UNC5D: variants seen among roughly 807,000 people sequenced by gnomAD.
UNC5D encodes unc-5 netrin receptor D.
A neutral mutation model predicts 105.4 loss-of-function variants in UNC5D; 39 were observed. The observed-to-expected ratio is 0.37, with a 90% CI of 0.29 to 0.48. The LOEUF is 0.48. Ranked by LOEUF, UNC5D falls within the 20% of genes least tolerant of loss-of-function variation. The pLI is 0.98. For missense variants in UNC5D, 991 were observed against 1,202.4 expected, an observed-to-expected ratio of 0.82 and a Z score of 2.60; for synonymous variants, 452 against 450.4, an observed-to-expected ratio of 1.00 and a Z score of -0.04.
In UNC5D at chr8:35,677,906, GTA is replaced by G. The variant is rs1305643187; in HGVS notation, c.571-5639_571-5638del. Reference sequence around the variant, plus strand: ...TGTGAGTGTCTGTGTGTGTGTGTGTGTATGTGTGTGTGTATGTATATGTGTGT... The same window carrying G: ...TGTGAGTGTCTGTGTGTGTGTGTGTGTGTGTGTGTGTATGTATATGTGTGT... On this transcript the variant is annotated intron_variant, in intron 4 of 16. Transcript: ENST00000404895. Among the ~76,000 whole-genome samples, 76 of 146,314 alleles carry G rather than the reference GTA, an allele frequency of 5.2e-4. 1 individual carries two copies. In the South Asian group the frequency reaches 0.015, roughly 29 times the overall value.
intron 1 of UNC5D, among the ~76,000 whole-genome samples, chr8:35,435,796 A>G (rs1257261968): frequency 1.3e-5 from 2 of 152,078 alleles, no homozygotes; most frequent in Non-Finnish European, 2.9e-5. Flanking sequence ...AATAGTGTTC[A>G]AAGTTTCCTC....
intron 1 of UNC5D, among the ~76,000 whole-genome samples, chr8:35,392,649 C>G (rs12677534): frequency 1.3e-5 from 2 of 152,264 alleles, no homozygotes; most frequent in South Asian, 4.1e-4. Flanking sequence ...GATACTCTAC[C>G]CATTACAAAG....
chr8:35,566,082 T>C (rs989567966), intron 2 of UNC5D, among the ~76,000 whole-genome samples: 24 of 152,324 alleles, frequency 1.6e-4, no homozygotes, highest in African/African-American at 5.5e-4. Flanking sequence ...TCTGGACTCA[T>C]AGTCTCTGAC....
intron 1 of UNC5D, among the ~76,000 whole-genome samples, chr8:35,283,008 C>A (rs1199748590): frequency 1.3e-5 from 2 of 152,120 alleles, no homozygotes; most frequent in Non-Finnish European, 2.9e-5. Context: ...AACTCCCAGG[C>A]TGGCTAAAAG....
chr8:35,462,209 TC>T (rs1357409115), intron 1 of UNC5D, among the ~76,000 whole-genome samples: 1 of 152,150 alleles, frequency 6.6e-6, no homozygotes, highest in Non-Finnish European at 1.5e-5. Flanking sequence ...AATTTAGCAA[TC>T]TCTTTTAAAG....
chr8:35,706,608 G>A (rs117048971), intron 8 of UNC5D, among the ~76,000 whole-genome samples: 103 of 152,210 alleles, frequency 6.8e-4, no homozygotes, highest in Non-Finnish European at 1.3e-3. Context: ...CAATTTCCAG[G>A]CTGTATCAAG....
At chr8:35,491,812 C>T (rs376257475) in intron 1 of UNC5D, among the ~76,000 whole-genome samples, 2 of 152,144 alleles carry the variant, frequency 1.3e-5, no homozygotes, top group African/African-American at 4.8e-5. Flanking sequence ...TTATTCTACT[C>T]TTAGACCTTT....
At chr8:35,432,202 G>T (rs964192672) in intron 1 of UNC5D, among the ~76,000 whole-genome samples, 1 of 151,976 alleles carries the variant, frequency 6.6e-6, no homozygotes, top group Admixed American at 6.6e-5. Flanking sequence ...TAATATTATC[G>T]TGAGGATCAA....
intron 1 of UNC5D, 144 bp from the exon 2 acceptor site, chr8:35,549,148 A>T: frequency 1.3e-6 from 1 of 761,776 alleles, no homozygotes; most frequent in Non-Finnish European, 2.1e-6. Context: ...TAATTCATCT[A>T]CACCAGTTCT....
rs186528669 is a variant in UNC5D at position 35,338,152 on chromosome 8, T to A, written c.103+102265T>A. On this transcript the variant is annotated intron_variant, in intron 1 of 16. Coordinates refer to ENST00000404895, the MANE Select transcript of UNC5D (RefSeq NM_080872.4). ...TTGTCTTTAATGTCTGTGGTTTTTT[T>A]CAACCTAATTTCTGGAGAAGTAAGT... 3.9e-4 allele frequency among the ~76,000 whole-genome samples: 59 copies of A among 152,332 alleles called. 1 individual carries two copies. The Middle Eastern group carries it at 0.01, about 26-fold the overall frequency.
At chr8:35,544,730 G>A (rs1243750257) in intron 1 of UNC5D, among the ~76,000 whole-genome samples, 1 of 150,490 alleles carries the variant, frequency 6.6e-6, no homozygotes, top group South Asian at 2.1e-4. Context: ...AGCCTCCTGA[G>A]TAGCTGGGAT....
chr8:35,579,177 C>A (rs1818310494), intron 3 of UNC5D, among the ~76,000 whole-genome samples: 1 of 152,084 alleles, frequency 6.6e-6, no homozygotes, highest in Non-Finnish European at 1.5e-5. Flanking sequence ...AATAATATTA[C>A]CTTAGTTAAT....
At chr8:35,613,832 G>A (rs1027616712) in intron 4 of UNC5D, among the ~76,000 whole-genome samples, 2 of 152,188 alleles carry the variant, frequency 1.3e-5, no homozygotes, top group African/African-American at 4.8e-5. Context: ...CTGGACAACA[G>A]AGCAAAACTG....
chr8:35,462,776 C>G (rs533404702), intron 1 of UNC5D, among the ~76,000 whole-genome samples: 27 of 152,126 alleles, frequency 1.8e-4, no homozygotes, highest in African/African-American at 6.3e-4. Flanking sequence ...CAAATTACTT[C>G]GTTCTTGCCA....
intron 16 of UNC5D, among the ~76,000 whole-genome samples, chr8:35,788,055 C>A (rs953545145): frequency 2.6e-5 from 4 of 152,108 alleles, no homozygotes; most frequent in South Asian, 2.1e-4. Context: ...TTTAAGCCGG[C>A]CTTTTCTATT....
chr8:35,754,697 T>A (rs181280689), intron 13 of UNC5D, among the ~76,000 whole-genome samples: 1 of 152,258 alleles, frequency 6.6e-6, no homozygotes, highest in Non-Finnish European at 1.5e-5. Flanking sequence ...CATTCTCTAT[T>A]TTTAGTCCTG....
intron 3 of UNC5D, among the ~76,000 whole-genome samples, chr8:35,583,324 A>G (rs1818574911): frequency 6.6e-6 from 1 of 152,080 alleles, no homozygotes; most frequent in Non-Finnish European, 1.5e-5. Context: ...CTGCACTCCA[A>G]CTTGGGTGAC....
intron 1 of UNC5D, among the ~76,000 whole-genome samples, chr8:35,416,440 G>A (rs1446876392): frequency 6.6e-6 from 1 of 151,974 alleles, no homozygotes; most frequent in Admixed American, 6.6e-5. Flanking sequence ...TTTAAATCTG[G>A]CATTTGGTTT....
intron 4 of UNC5D, among the ~76,000 whole-genome samples, chr8:35,641,366 C>CAAAAAAAAAAAAAAAAAAAA (rs377021599): frequency 1.6e-3 from 72 of 44,296 alleles, no homozygotes; most frequent in South Asian, 2.9e-3. Context: ...AAAAATAAAG[C>CAAAAAAAAAAAAAAAAAAAA]AAAAAAAAAA....
Sources: allele counts gnomAD v4.1 joint callset (sites outside exome capture counted in the v4.1 genomes callset), GRCh38; gene constraint gnomAD v4.1.1; transcripts MANE v1.5; gene names NCBI Gene and HGNC (gene_info 2026-07-23, HGNC 2026-07-21).